TMEM141: variants seen among roughly 807,000 people sequenced by gnomAD.
TMEM141 encodes the protein transmembrane protein 141.
TMEM141 carries 18 observed loss-of-function variants against 15.9 expected under a neutral mutation model. The observed-to-expected ratio is 1.13, with a 90% confidence interval of 0.78 to 1.68. TMEM141 has a LOEUF of 1.68. TMEM141 is among the 40% of genes most tolerant of loss of function. TMEM141 has a pLI of 0.00. For missense variants in TMEM141, 161 were observed against 139.5 expected (o/e 1.15, Z -0.78); for synonymous variants, 69 against 54.0 (o/e 1.28, Z -1.22).
chr9:136,792,886 G>T lies in TMEM141; in HGVS notation c.*54G>T. ...GGGGGCAGGAGGAGTCTGGAACACA[G>T]CCTTCATGCCCCCTGACCCCAGGCC... On this transcript the variant is annotated 3_prime_UTR_variant, in exon 5 of 5. Transcript: ENST00000290079. The T allele has an allele frequency of 6.8e-7, 1 of 1,477,110 alleles. No homozygotes were observed. The allele number at this position is 1,477,110 out of a possible 1,614,324, so 91.5% of individuals were successfully genotyped here.
Position 136,791,959 on chromosome 9 carries a change from C to G in TMEM141, c.134C>G (p.Ala45Gly). 1 of 1,614,134 alleles carries G rather than the reference C, an allele frequency of 6.2e-7. No individual in the cohort carries two copies. The highest frequency in any genetic ancestry group is 8.5e-7 in the Non-Finnish European group (1 of 1,180,016). Reference sequence around the variant, plus strand: ...CGGCTCTTTGCAGGCACCGGCATGGCCTTTGGCTTGCAGATGTTCATTCAG... The same window carrying G: ...CGGCTCTTTGCAGGCACCGGCATGGGCTTTGGCTTGCAGATGTTCATTCAG... ...VFTFVTGTGM[A>G]FGLQMFIQRK... Residue 45 changes from alanine to glycine, a missense_variant, in exon 3 of 5, where the codon GCC becomes GGC. By Grantham distance (60) the Ala-to-Gly change is moderately conservative. Coordinates refer to ENST00000290079, the MANE Select transcript of TMEM141 (RefSeq NM_032928.4).
rs141981302 is a variant in TMEM141, at chr9:136,792,410, AG to A, written c.313+53del. On this transcript the variant is annotated intron_variant, in intron 4 of 4. Transcript: ENST00000290079. The stretch of plus-strand genomic sequence containing the variant: ...AGTGAATGCCACCTCTCCAGCACCC[AG>A]AGTTTTGGGCAGCCAAGCCTGGGTG... 1.5e-3 allele frequency: 2,251 copies of A among 1,476,164 alleles called. 29 individuals carry two copies. In the African/African-American group the frequency reaches 0.025, roughly 17 times the overall value. The allele number at this position is 1,476,164 out of a possible 1,614,324, so 91.4% of individuals were successfully genotyped here.
chr9:136,792,150 C>G, intron 3 of TMEM141, 101 bp from the exon 4 acceptor site: 3 of 1,501,988 alleles, frequency 2.0e-6, no homozygotes, highest in Non-Finnish European at 2.7e-6. Context: ...GGAGCCCCAC[C>G]TGAGCCCACC....
intron 1 of TMEM141, 98 bp from the exon 2 acceptor site, chr9:136,791,613 C>G (rs1191023545): frequency 6.3e-7 from 1 of 1,574,918 alleles, no homozygotes; most frequent in African/African-American, 1.3e-5. Context: ...CCCAGGGTCT[C>G]ACTCCTCCAC....
rs904322771 is a variant in TMEM141 at position 136,792,048 on chromosome 9, C to T, written c.205+18C>T. 11 of 1,613,014 alleles carry T rather than the reference C, an allele frequency of 6.8e-6. No individual in the cohort carries two copies. Among genetic ancestry groups the T allele is most frequent in the African/African-American group, 1.3e-5 (1 of 75,022 alleles). On this transcript the variant is annotated intron_variant, in intron 3 of 4. Coordinates refer to ENST00000290079, the MANE Select transcript of TMEM141 (RefSeq NM_032928.4). ...GGCCGTGGGTGGGTACTCCAGGGCCCCTGCCTGGGCTCTTTGAGGGGTGGG... is the reference window on the plus strand; with the variant it reads ...GGCCGTGGGTGGGTACTCCAGGGCCTCTGCCTGGGCTCTTTGAGGGGTGGG...
intron 4 of TMEM141, among the ~76,000 whole-genome samples, 192 bp from the exon 5 acceptor site, chr9:136,792,627 A>G (rs1415414512): frequency 3.9e-5 from 6 of 152,192 alleles, no homozygotes; most frequent in Non-Finnish European, 7.4e-5. Context: ...AGGGTGTGGC[A>G]AGGCCACAGC....
intron 3 of TMEM141, 51 bp from the exon 4 acceptor site, chr9:136,792,198 CTT>C: frequency 6.5e-7 from 1 of 1,537,086 alleles, no homozygotes; most frequent in Non-Finnish European, 8.8e-7. Flanking sequence ...GCCCGGTTCT[CTT>C]AGCCTGGGAA....
chr9:136,792,828 G>T lies in TMEM141; in HGVS notation c.323G>T (p.Ser108Ile), dbSNP rs778132428. 4 of 1,567,652 alleles carry T rather than the reference G, an allele frequency of 2.6e-6. No individual in the cohort carries two copies. In the East Asian group the frequency reaches 9.3e-5, roughly 36 times the overall value. ...LPKDRSTDQR[S>I] ...TCTTTGCCTTTTACAGATCAGAGAA[G>T]CTAGGAGAGCTCCAGCAGGGGCACA... is the stretch of plus-strand genomic sequence containing the variant. Residue 108 changes from serine to isoleucine, a missense_variant, in exon 5 of 5, where the codon AGC becomes ATC. Transcript: ENST00000290079.
At position 136,792,423 on chromosome 9, in the gene TMEM141, G is replaced by C. The variant is rs1171980501; in HGVS notation, c.313+65G>C. 9 of 1,371,294 alleles carry C rather than the reference G, an allele frequency of 6.6e-6. No individual in the cohort carries two copies. The Admixed American group carries it at 7.9e-5, about 12-fold the overall frequency. 84.9% of individuals were successfully genotyped at this position (1,371,294 alleles called of 1,614,324 possible). A position where few individuals can be genotyped will look rare whatever the true frequency, so the allele number is the denominator to read the frequency against. ...TCTCCAGCACCCAGAGTTTTGGGCA[G>C]CCAAGCCTGGGTGCACCATGCGATA... On this transcript the variant is annotated intron_variant, in intron 4 of 4. Coordinates refer to ENST00000290079, the MANE Select transcript of TMEM141 (RefSeq NM_032928.4).
At position 136,793,103 on chromosome 9, in the gene TMEM141, G is replaced by A. The variant is rs1271199085; in HGVS notation, c.*271G>A. 1.3e-5 allele frequency: 4 copies of A among 297,066 alleles called. No individual in the cohort carries two copies. Among genetic ancestry groups the A allele is most frequent in the Non-Finnish European group, 2.4e-5 (4 of 163,296 alleles). 18.4% of individuals were successfully genotyped at this position (297,066 alleles called of 1,614,324 possible). A position where few individuals can be genotyped will look rare whatever the true frequency, so the allele number is the denominator to read the frequency against. On this transcript the variant is annotated 3_prime_UTR_variant, in exon 5 of 5. Coordinates refer to ENST00000290079, the MANE Select transcript of TMEM141 (RefSeq NM_032928.4). ...ATGCATGTTCTGCACTGCCAGCAGAGAGGGTGTGTCTGGGGGCCACCACCT... is the reference window on the plus strand; with the variant it reads ...ATGCATGTTCTGCACTGCCAGCAGAAAGGGTGTGTCTGGGGGCCACCACCT...
At chr9:136,792,214 C>T in intron 3 of TMEM141, 37 bp from the exon 4 acceptor site, 1 of 1,533,508 alleles carries the variant, frequency 6.5e-7, no homozygotes, top group Non-Finnish European at 8.9e-7. Flanking sequence ...CTGGGAAGCA[C>T]AGAGGCCCCA....
rs535338459 is a variant in TMEM141, at chr9:136,792,144, C to T, written c.206-107C>T. On this transcript the variant is annotated intron_variant, in intron 3 of 4. Coordinates refer to ENST00000290079, the MANE Select transcript of TMEM141 (RefSeq NM_032928.4). ...ATGGAGCCCCAGGTCTCGGCGGGAGCCCCACCTGAGCCCACCCACCACGTC... is the reference window on the plus strand; with the variant it reads ...ATGGAGCCCCAGGTCTCGGCGGGAGTCCCACCTGAGCCCACCCACCACGTC... 48 of 1,510,226 alleles carry T rather than the reference C, an allele frequency of 3.2e-5. No homozygotes were observed. In the East Asian group the frequency reaches 1.1e-3, roughly 34 times the overall value. The allele number at this position is 1,510,226 out of a possible 1,614,324, so 93.6% of individuals were successfully genotyped here.
Position 136,791,740 on chromosome 9 carries a change from A to C in TMEM141, c.84A>C (p.Ser28=). Residue 28 remains serine (S), a synonymous_variant, in exon 2 of 5, where the codon TCA becomes TCC. Coordinates refer to ENST00000290079, the MANE Select transcript of TMEM141 (RefSeq NM_032928.4). ...TCGGGGAGTATGCCGCATGCCAGTC[A>C]CACGCCTTCATGAAGGGCGTTTTCA... ...PGLGEYAACQ[S]HAFMKGVFTF... is the part of the protein sequence containing the mutation. 2 of 1,613,490 alleles carry C rather than the reference A, an allele frequency of 1.2e-6. No individual in the cohort carries two copies. The highest frequency in any genetic ancestry group is 1.6e-4 in the Middle Eastern group (1 of 6,062).
In TMEM141 at chr9:136,792,349, A is replaced by C; in HGVS notation, c.304A>C (p.Arg102=). 6.4e-7 allele frequency: 1 copy of C among 1,573,670 alleles called. No individual in the cohort carries two copies. Among genetic ancestry groups the C allele is most frequent in the Non-Finnish European group, 8.6e-7 (1 of 1,158,878 alleles). The change falls in exon 4 of 5, where the codon AGG becomes CGG. Residue 102 remains arginine, a synonymous_variant. Transcript: ENST00000290079. ...FLETGQLPKD[R]STDQRS ...GGAGACCGGGCAGCTCCCCAAAGACAGGAGCACAGGTGAGAGAGCCTGGGG... is the reference window on the plus strand; with the variant it reads ...GGAGACCGGGCAGCTCCCCAAAGACCGGAGCACAGGTGAGAGAGCCTGGGG...
In TMEM141 at chr9:136,792,248, C is replaced by T. The variant is rs748578104; in HGVS notation, c.206-3C>T. On this transcript the variant is annotated splice_polypyrimidine_tract_variant and splice_region_variant and intron_variant, in intron 3 of 4. Transcript: ENST00000290079. ...CAGCCCTCTTCCATTTCCTGCTCCA[C>T]AGTTGCAGGCTCTGTGGTCAGCTAC... is the stretch of plus-strand genomic sequence containing the variant. 6 of 1,574,810 alleles carry T rather than the reference C, an allele frequency of 3.8e-6. No individual in the cohort carries two copies. The Admixed American group carries it at 1.1e-4, about 29-fold the overall frequency.
Position 136,792,774 on chromosome 9 carries a change from C to A in TMEM141, c.314-45C>A, listed in dbSNP as rs368651425. 2.3e-5 allele frequency: 33 copies of A among 1,463,230 alleles called. No homozygotes were observed. In the African/African-American group the frequency reaches 4.1e-4, roughly 18 times the overall value. The allele number at this position is 1,463,230 out of a possible 1,614,324, so 90.6% of individuals were successfully genotyped here. A position where few individuals can be genotyped will look rare whatever the true frequency, so the allele number is the denominator to read the frequency against. On this transcript the variant is annotated intron_variant, in intron 4 of 4. Transcript: ENST00000290079. ...ATAAAATGGGCACAGGGATGCCCAG[C>A]CACGATGGATGTGGTTCGAGCTTGT...
intron 2 of TMEM141, 66 bp downstream of exon 2, chr9:136,791,843 C>T (rs1847593471): frequency 1.9e-6 from 3 of 1,607,748 alleles, no homozygotes; most frequent in Admixed American, 1.7e-5. Context: ...CCTGACTCCC[C>T]AGCAGGGGGC....
At position 136,791,692 on chromosome 9, in the gene TMEM141, C is replaced by T; in HGVS notation, c.55-19C>T. The T allele has an allele frequency of 1.2e-6, 2 of 1,611,118 alleles. No homozygotes were observed. Among genetic ancestry groups the T allele is most frequent in the Non-Finnish European group, 1.7e-6 (2 of 1,178,674 alleles). Reference sequence around the variant, plus strand: ...AAGAGGGCAGGGGATCGAGCCTTCACCCGCCTCTGCCACCCCAGGGACTCG... The same window carrying T: ...AAGAGGGCAGGGGATCGAGCCTTCATCCGCCTCTGCCACCCCAGGGACTCG... On this transcript the variant is annotated intron_variant, in intron 1 of 4. Coordinates refer to ENST00000290079, the MANE Select transcript of TMEM141 (RefSeq NM_032928.4).
At position 136,792,277 on chromosome 9, in the gene TMEM141, G is replaced by A; in HGVS notation, c.232G>A (p.Val78Met). ...TGCAGGCTCTGTGGTCAGCTACGGG[G>A]TGACGAGAGTGGAGTCGGAGAAATG... Reference protein sequence around the residue: ...VVAGSVVSYGVTRVESEKCNN... With the variant: ...VVAGSVVSYGMTRVESEKCNN... The change falls in exon 4 of 5, where the codon GTG becomes ATG. Residue 78 changes from valine (V) to methionine (M), a missense_variant. Physicochemically the swap from Val to Met is conservative, Grantham distance 21. Coordinates refer to ENST00000290079, the MANE Select transcript of TMEM141 (RefSeq NM_032928.4). 1.3e-6 allele frequency: 2 copies of A among 1,587,664 alleles called. No homozygotes were observed. The highest frequency in any genetic ancestry group is 2.3e-5 in the East Asian group (1 of 43,720).
Sources: allele counts gnomAD v4.1 joint callset (sites outside exome capture counted in the v4.1 genomes callset), GRCh38; gene constraint gnomAD v4.1.1; transcripts MANE v1.5; gene names NCBI Gene and HGNC (gene_info 2026-07-23, HGNC 2026-07-21).